The following CSMD1 variants were observed in gnomAD, a reference collection of about 807,000 sequenced individuals.
The protein encoded by CSMD1 is CUB and Sushi multiple domains 1.
A neutral mutation model predicts 417.5 loss-of-function variants in CSMD1; 213 were observed. The observed-to-expected ratio is 0.51, with a 90% CI of 0.46 to 0.57. CSMD1 has a LOEUF of 0.57. Among genes scored for constraint, CSMD1 ranks in the 20% least tolerant of loss-of-function variants. The probability of loss-of-function intolerance (pLI) is 0.00; values close to 1 mark genes in which losing one functional copy is unlikely to be tolerated. For missense variants in CSMD1, 6,923 were observed against 4,529.7 expected, an observed-to-expected ratio of 1.53 and a Z score of -15.17; for synonymous variants, 2,862 against 1,736.8, an observed-to-expected ratio of 1.65 and a Z score of -16.11.
chr8:4,175,835 G>A (rs1272185084), intron 3 of CSMD1, among the ~76,000 whole-genome samples: 2 of 152,148 alleles, frequency 1.3e-5, no homozygotes, highest in Non-Finnish European at 2.9e-5. Context: ...CAGAGTGAAA[G>A]TAACTGGAAA....
At chr8:3,195,559 G>A (rs1234487190) in intron 33 of CSMD1, among the ~76,000 whole-genome samples, 4 of 152,080 alleles carry the variant, frequency 2.6e-5, no homozygotes, top group Non-Finnish European at 4.4e-5. Context: ...GTTGATTTTC[G>A]GTGTAATATA....
intron 1 of CSMD1, among the ~76,000 whole-genome samples, chr8:4,874,610 C>T (rs151230802): frequency 0.01 from 1,565 of 151,638 alleles, 17 homozygotes; most frequent in Non-Finnish European, 0.015. Context: ...AGGCTGGTCT[C>T]GAACTCCTGA....
intron 5 of CSMD1, among the ~76,000 whole-genome samples, chr8:3,940,227 G>C (rs1003716729): frequency 6.6e-6 from 1 of 151,934 alleles, no homozygotes; most frequent in Admixed American, 6.6e-5. Flanking sequence ...AAAAAACAGA[G>C]AAGTTAATTT....
chr8:4,260,855 T>C (rs1265880753), intron 3 of CSMD1, among the ~76,000 whole-genome samples: 1 of 152,180 alleles, frequency 6.6e-6, no homozygotes, highest in African/African-American at 2.4e-5. Flanking sequence ...TTGTTTTTTG[T>C]TAGAAAGACA....
chr8:4,125,656 G>A (rs1043064352), intron 3 of CSMD1, among the ~76,000 whole-genome samples: 2 of 152,166 alleles, frequency 1.3e-5, no homozygotes, highest in Admixed American at 1.3e-4. Context: ...ACTCTATGTT[G>A]CTTCTAACCT....
intron 5 of CSMD1, among the ~76,000 whole-genome samples, chr8:3,872,942 A>C (rs1170659016): frequency 6.6e-6 from 1 of 152,190 alleles, no homozygotes; most frequent in South Asian, 2.1e-4. Context: ...GCCAACAATC[A>C]TATGAAAAAA....
intron 26 of CSMD1, among the ~76,000 whole-genome samples, chr8:3,236,276 G>C (rs898584851): frequency 4.6e-5 from 7 of 152,006 alleles, no homozygotes; most frequent in South Asian, 2.1e-4. Context: ...GTATATATCT[G>C]CTTGTATATT....
intron 2 of CSMD1, among the ~76,000 whole-genome samples, chr8:4,425,634 A>C (rs1797505643): frequency 3.9e-5 from 6 of 152,090 alleles, no homozygotes. Flanking sequence ...CCCTTGCGAT[A>C]CATTTTATTC....
chr8:3,977,263 A>C (rs990943545), intron 5 of CSMD1, among the ~76,000 whole-genome samples: 5 of 152,068 alleles, frequency 3.3e-5, no homozygotes, highest in African/African-American at 9.7e-5. Flanking sequence ...AATTTCCCAC[A>C]CTATGATCCA....
At chr8:4,946,346 G>A (rs1563837115) in intron 1 of CSMD1, among the ~76,000 whole-genome samples, 2 of 152,030 alleles carry the variant, frequency 1.3e-5, no homozygotes, top group African/African-American at 4.8e-5. Context: ...ATTTTTGAGG[G>A]TGCTTTAGTC....
At chr8:4,676,938 T>C (rs1016364074) in intron 1 of CSMD1, among the ~76,000 whole-genome samples, 1 of 147,684 alleles carries the variant, frequency 6.8e-6, no homozygotes, top group African/African-American at 2.5e-5. Context: ...AGATGATATA[T>C]ATAGAGAAAT....
intron 1 of CSMD1, among the ~76,000 whole-genome samples, chr8:4,669,338 A>G (rs1805147007): frequency 6.6e-6 from 1 of 152,192 alleles, no homozygotes; most frequent in Non-Finnish European, 1.5e-5. Flanking sequence ...GTACACTCCA[A>G]TTGGTAATTC....
intron 2 of CSMD1, among the ~76,000 whole-genome samples, chr8:4,593,565 T>A (rs772466113): frequency 6.6e-6 from 1 of 152,180 alleles, no homozygotes; most frequent in Non-Finnish European, 1.5e-5. Context: ...TATTTATATA[T>A]AATCACACTT....
intron 1 of CSMD1, among the ~76,000 whole-genome samples, chr8:4,733,187 A>G (rs1232355286): frequency 9.9e-5 from 15 of 152,212 alleles, no homozygotes; most frequent in Non-Finnish European, 1.9e-4. Flanking sequence ...AAAAAGCGAA[A>G]CCATGTTGAA....
intron 1 of CSMD1, among the ~76,000 whole-genome samples, chr8:4,691,508 C>T (rs1806767681): frequency 6.6e-6 from 1 of 152,162 alleles, no homozygotes; most frequent in South Asian, 2.1e-4. Flanking sequence ...TTTTTCCCCG[C>T]TTCTGACCTT....
intron 3 of CSMD1, among the ~76,000 whole-genome samples, chr8:4,057,049 C>A (rs575050731): frequency 7.9e-4 from 120 of 152,218 alleles, no homozygotes; most frequent in African/African-American, 2.9e-3. Flanking sequence ...GGGTATGTAC[C>A]CAGTAATGGG....
chr8:3,747,761 T>C lies in CSMD1; in HGVS notation c.931+6169A>G, dbSNP rs146044367. ...AAAACAGTTTTCTAAAACGGTCGTATCAATTCAGATTTCCACCAATAGTGC... is the reference window on the plus strand; with the variant it reads ...AAAACAGTTTTCTAAAACGGTCGTACCAATTCAGATTTCCACCAATAGTGC... On this transcript the variant is annotated intron_variant, in intron 6 of 69. Transcript: ENST00000635120. Among the ~76,000 whole-genome samples, 1,454 of 152,316 alleles carry C rather than the reference T, an allele frequency of 9.5e-3. 15 individuals carry two copies. Among genetic ancestry groups the C allele is most frequent in the South Asian group, 0.028 (135 of 4,826 alleles).
At chr8:3,233,558 G>A (rs936077556) in intron 26 of CSMD1, among the ~76,000 whole-genome samples, 2 of 152,196 alleles carry the variant, frequency 1.3e-5, no homozygotes, top group Non-Finnish European at 2.9e-5. Flanking sequence ...GTTGGTTTTT[G>A]CAAGTTATGT....
chr8:3,903,902 C>T (rs536932258), intron 5 of CSMD1, among the ~76,000 whole-genome samples: 159 of 152,190 alleles, frequency 1.0e-3, no homozygotes, highest in African/African-American at 3.7e-3. Flanking sequence ...CCACAGGACA[C>T]GTGGCACACT....
Sources: allele counts gnomAD v4.1 joint callset (sites outside exome capture counted in the v4.1 genomes callset), GRCh38; gene constraint gnomAD v4.1.1; transcripts MANE v1.5; gene names NCBI Gene and HGNC (gene_info 2026-07-23, HGNC 2026-07-21).